The following MAML3 variants were observed in gnomAD, a reference collection of about 807,000 sequenced individuals.
MAML3 encodes the protein mastermind like transcriptional coactivator 3.
A neutral mutation model predicts 101.9 loss-of-function variants in MAML3; 27 were observed. The observed-to-expected ratio is 0.27, with a 90% CI of 0.20 to 0.37. The LOEUF (loss-of-function observed/expected upper bound fraction) is 0.37, where lower values mean the gene tolerates loss of function less well. Among genes scored for constraint, MAML3 ranks in the 10% least tolerant of loss-of-function variants. The probability of loss-of-function intolerance (pLI) is 1.00; values close to 1 mark genes in which losing one functional copy is unlikely to be tolerated. For synonymous variants in MAML3, 501 were observed against 555.9 expected, an observed-to-expected ratio of 0.90 and a Z score of 1.39; for missense variants, 1,316 against 1,444.9, an observed-to-expected ratio of 0.91 and a Z score of 1.45.
Position 140,153,403 on chromosome 4 carries a change from G to A in MAML3, c.-76C>T, listed in dbSNP as rs1046611858. ...TATCAGCCTCCTCCTTGGGTCCAAG[G>A]ATTAAAATAGTTTAAGTGGAACGCG... is the stretch of plus-strand genomic sequence containing the variant. On this transcript the variant is annotated 5_prime_UTR_variant, in exon 1 of 5. Transcript: ENST00000509479. 3.8e-6 allele frequency: 5 copies of A among 1,330,730 alleles called. No homozygotes were observed. Among genetic ancestry groups the A allele is most frequent in the African/African-American group, 1.5e-5 (1 of 65,534 alleles). The allele number at this position is 1,330,730 out of a possible 1,614,324, so 82.4% of individuals were successfully genotyped here.
At chr4:139,885,293 G>A (rs947876162) in intron 2 of MAML3, among the ~76,000 whole-genome samples, 1 of 151,920 alleles carries the variant, frequency 6.6e-6, no homozygotes, top group African/African-American at 2.4e-5. Flanking sequence ...TGTAGTCCCA[G>A]CTGCTTGGGG....
chr4:140,049,027 T>C (rs1244776902), intron 1 of MAML3, among the ~76,000 whole-genome samples: 1 of 152,164 alleles, frequency 6.6e-6, no homozygotes, highest in Non-Finnish European at 1.5e-5. Context: ...GCAAAGCAGA[T>C]ATGCAGGTCA....
intron 1 of MAML3, among the ~76,000 whole-genome samples, chr4:139,962,310 AG>A (rs1414081528): frequency 2.0e-5 from 3 of 152,200 alleles, no homozygotes; most frequent in African/African-American, 7.2e-5. Flanking sequence ...AGCTCAAGTT[AG>A]AGCATAACTA....
chr4:140,110,287 T>C (rs1578689585), intron 1 of MAML3, among the ~76,000 whole-genome samples: 1 of 152,248 alleles, frequency 6.6e-6, no homozygotes, highest in African/African-American at 2.4e-5. Context: ...CCCCTACGAC[T>C]GCATGCAGCA....
intron 1 of MAML3, among the ~76,000 whole-genome samples, chr4:140,104,119 C>T (rs1728296148): frequency 1.4e-5 from 2 of 142,410 alleles, no homozygotes; most frequent in African/African-American, 4.9e-5. Flanking sequence ...AATGTAGTGG[C>T]TCATGCCTGT....
At chr4:139,946,465 C>T (rs765261399) in intron 1 of MAML3, among the ~76,000 whole-genome samples, 2 of 151,894 alleles carry the variant, frequency 1.3e-5, no homozygotes, top group Non-Finnish European at 2.9e-5. Context: ...TTTTGTTAAG[C>T]ACACAGGTAT....
At chr4:139,959,665 G>A (rs536003760) in intron 1 of MAML3, among the ~76,000 whole-genome samples, 35 of 152,304 alleles carry the variant, frequency 2.3e-4, no homozygotes, top group African/African-American at 7.7e-4. Flanking sequence ...ACCTATAATG[G>A]ACTAATCTGG....
rs77628963 is a variant in MAML3, at chr4:139,950,829, G to A, written c.469-59862C>T. On this transcript the variant is annotated intron_variant, in intron 1 of 4. Coordinates refer to ENST00000509479, the MANE Select transcript of MAML3 (RefSeq NM_018717.5). ...GTCCTCCAGCCAAGCTCTGCCCAAGGGAACAGCACCACCCACACCATCAAA... is the reference window on the plus strand; with the variant it reads ...GTCCTCCAGCCAAGCTCTGCCCAAGAGAACAGCACCACCCACACCATCAAA... Among the ~76,000 whole-genome samples, 1,196 of 152,246 alleles carry A rather than the reference G, an allele frequency of 7.9e-3. 12 individuals are homozygous for A. The highest frequency in any genetic ancestry group is 0.029 in the Admixed American group (441 of 15,300).
intron 1 of MAML3, among the ~76,000 whole-genome samples, chr4:140,053,829 T>C (rs757570698): frequency 3.5e-4 from 53 of 152,182 alleles, no homozygotes; most frequent in Admixed American, 6.5e-4. Flanking sequence ...CCATGAAACA[T>C]TACCATTATT....
chr4:139,928,142 G>C (rs1413301626), intron 1 of MAML3, among the ~76,000 whole-genome samples: 1 of 152,080 alleles, frequency 6.6e-6, no homozygotes, highest in Non-Finnish European at 1.5e-5. Context: ...AACATCACAG[G>C]GTTCATGCTG....
chr4:140,059,150 T>C (rs1470291392), intron 1 of MAML3, among the ~76,000 whole-genome samples: 3 of 152,212 alleles, frequency 2.0e-5, no homozygotes, highest in African/African-American at 7.2e-5. Flanking sequence ...AAAAAATCTG[T>C]CTAAAAGAAG....
intron 1 of MAML3, among the ~76,000 whole-genome samples, chr4:139,999,739 G>C (rs1183157689): frequency 6.6e-6 from 1 of 152,156 alleles, no homozygotes; most frequent in Admixed American, 6.5e-5. Flanking sequence ...TAAAACATTT[G>C]TCTTTTTGAG....
intron 2 of MAML3, among the ~76,000 whole-genome samples, chr4:139,838,008 T>C (rs1450092868): frequency 6.6e-6 from 1 of 152,084 alleles, no homozygotes; most frequent in African/African-American, 2.4e-5. Flanking sequence ...CATTCTGTAC[T>C]GTCTGCTTAG....
At chr4:139,832,094 CTTTTTTTTTTTTTTTT>C (rs70943444) in intron 2 of MAML3, among the ~76,000 whole-genome samples, 2 of 64,680 alleles carry the variant, frequency 3.1e-5, no homozygotes, top group African/African-American at 4.2e-5. Context: ...TGCCCAGCCC[CTTTTTTTTTTTTTTTT>C]TTTTTTTTTT....
chr4:139,727,215 C>T (rs552539499), intron 3 of MAML3, among the ~76,000 whole-genome samples: 5 of 152,312 alleles, frequency 3.3e-5, no homozygotes, highest in South Asian at 4.1e-4. Flanking sequence ...GCCTCTGACT[C>T]GTTGACCCCA....
intron 1 of MAML3, among the ~76,000 whole-genome samples, chr4:139,961,298 G>A (rs949924658): frequency 6.6e-6 from 1 of 152,216 alleles, no homozygotes; most frequent in African/African-American, 2.4e-5. Context: ...CTCCTTCGAG[G>A]AATTCAATGA....
intron 1 of MAML3, among the ~76,000 whole-genome samples, chr4:139,959,962 C>T (rs531047175): frequency 1.3e-5 from 2 of 152,228 alleles, no homozygotes; most frequent in Middle Eastern, 3.4e-3. Context: ...CTACCCTGTG[C>T]CTGGCATGTC....
intron 1 of MAML3, among the ~76,000 whole-genome samples, chr4:140,011,245 T>TAC (rs1726555245): frequency 7.0e-6 from 1 of 143,836 alleles, no homozygotes; most frequent in Non-Finnish European, 1.5e-5. Flanking sequence ...TATATATATA[T>TAC]ATATATATGA....
At chr4:140,037,208 G>A (rs1271015014) in intron 1 of MAML3, among the ~76,000 whole-genome samples, 1 of 142,496 alleles carries the variant, frequency 7.0e-6, no homozygotes, top group Non-Finnish European at 1.5e-5. Context: ...TGTGTATAGG[G>A]AAGCACTATA....
Sources: allele counts gnomAD v4.1 joint callset (sites outside exome capture counted in the v4.1 genomes callset), GRCh38; gene constraint gnomAD v4.1.1; transcripts MANE v1.5; gene names NCBI Gene and HGNC (gene_info 2026-07-23, HGNC 2026-07-21).